Variants in ARHGAP26 observed in about 807,000 individuals in gnomAD.
The protein encoded by ARHGAP26 is rho GTPase-activating protein 26.
ARHGAP26 carries 38 observed loss-of-function variants against 104.8 expected under a neutral mutation model. The observed-to-expected ratio is 0.36, with a 90% confidence interval of 0.28 to 0.48. ARHGAP26 has a LOEUF of 0.48. Among genes scored for constraint, ARHGAP26 ranks in the 20% least tolerant of loss-of-function variants. The pLI is 0.99. For synonymous variants in ARHGAP26, 341 were observed against 340.0 expected, an observed-to-expected ratio of 1.00 and a Z score of -0.03; for missense variants, 704 against 947.9, an observed-to-expected ratio of 0.74 and a Z score of 3.38.
At chr5:143,074,099 AT>A (rs572655393) in intron 17 of ARHGAP26, among the ~76,000 whole-genome samples, 23 of 151,864 alleles carry the variant, frequency 1.5e-4, no homozygotes, top group Non-Finnish European at 2.9e-4. Context: ...GTTTTTGTGG[AT>A]TTTTTTTCAT....
intron 1 of ARHGAP26, among the ~76,000 whole-genome samples, chr5:142,792,688 C>G (rs1338903656): frequency 6.6e-6 from 1 of 152,234 alleles, no homozygotes; most frequent in Middle Eastern, 3.4e-3. Context: ...GAGAGCACCC[C>G]GGCTGTGCTT....
In ARHGAP26 at chr5:142,875,101, G is replaced by C. The variant is rs1022024368; in HGVS notation, c.251-9G>C. 1 of 1,613,836 alleles carries C rather than the reference G, an allele frequency of 6.2e-7. No homozygotes were observed. Among genetic ancestry groups the C allele is most frequent in the Non-Finnish European group, 8.5e-7 (1 of 1,179,800 alleles). On this transcript the variant is annotated splice_polypyrimidine_tract_variant and intron_variant, in intron 2 of 22. Transcript: ENST00000645722. ...TCCTTCCACCTCATGGCCCCTTTCT[G>C]TTTTCCAGCAAGATCTTTGCAGGAG...
Position 143,226,036 on chromosome 5 carries a change from G to A in ARHGAP26, c.*3590G>A, listed in dbSNP as rs532107628. 3.3e-5 allele frequency: 7 copies of A among 213,288 alleles called. No homozygotes were observed. The highest frequency in any genetic ancestry group is 1.4e-4 in the African/African-American group (6 of 44,318). 13.2% of individuals were successfully genotyped at this position (213,288 alleles called of 1,614,324 possible). A position where few individuals can be genotyped will look rare whatever the true frequency, so the allele number is the denominator to read the frequency against. On this transcript the variant is annotated 3_prime_UTR_variant, in exon 23 of 23. Coordinates refer to ENST00000645722, the MANE Select transcript of ARHGAP26 (RefSeq NM_001135608.3). ...GGAGAATGAATTGGTTATCAGAGTG[G>A]AAGACCATGGCCCAGGATCCCTGAG...
At chr5:142,817,890 G>A (rs1373023629) in intron 1 of ARHGAP26, among the ~76,000 whole-genome samples, 3 of 152,300 alleles carry the variant, frequency 2.0e-5, no homozygotes, top group East Asian at 1.9e-4. Context: ...TCTACTTGGA[G>A]TTTGGGGAAT....
chr5:143,093,317 G>T (rs994850548), intron 17 of ARHGAP26, among the ~76,000 whole-genome samples: 3 of 152,128 alleles, frequency 2.0e-5, no homozygotes, highest in African/African-American at 7.2e-5. Context: ...AAAGATTTTT[G>T]ATAGGAAGGC....
chr5:142,984,928 A>G (rs1774448213), intron 11 of ARHGAP26, among the ~76,000 whole-genome samples: 1 of 152,110 alleles, frequency 6.6e-6, no homozygotes, highest in Non-Finnish European at 1.5e-5. Context: ...TTATTAAAAA[A>G]AAAAGCGGTC....
At chr5:143,098,886 T>C (rs1229082057) in intron 17 of ARHGAP26, among the ~76,000 whole-genome samples, 2 of 152,224 alleles carry the variant, frequency 1.3e-5, no homozygotes, top group Admixed American at 6.5e-5. Flanking sequence ...TAAAAATATT[T>C]TTTAAACATG....
intron 14 of ARHGAP26, 61 bp downstream of exon 14, chr5:143,041,951 C>A: frequency 6.9e-7 from 1 of 1,446,386 alleles, no homozygotes; most frequent in Non-Finnish European, 9.5e-7. Flanking sequence ...TCTGAAAAGT[C>A]ACCAGGTCTG....
intron 1 of ARHGAP26, among the ~76,000 whole-genome samples, chr5:142,814,149 A>G (rs544275788): frequency 3.4e-4 from 52 of 152,382 alleles, no homozygotes; most frequent in Middle Eastern, 3.4e-3. Context: ...GAGTTGAGAA[A>G]GAGGAGTAGG....
At chr5:143,059,520 C>T (rs1001599165) in intron 17 of ARHGAP26, among the ~76,000 whole-genome samples, 2 of 152,214 alleles carry the variant, frequency 1.3e-5, no homozygotes, top group Non-Finnish European at 2.9e-5. Context: ...ACTTGTTCAT[C>T]TCCTGGTTGG....
At chr5:142,853,732 T>A (rs193021227) in intron 1 of ARHGAP26, among the ~76,000 whole-genome samples, 25 of 152,318 alleles carry the variant, frequency 1.6e-4, no homozygotes, top group Non-Finnish European at 3.1e-4. Context: ...TAGCCTTGAC[T>A]CCACGTTCTC....
chr5:143,218,574 T>C (rs1810692113), intron 22 of ARHGAP26, among the ~76,000 whole-genome samples: 1 of 152,128 alleles, frequency 6.6e-6, no homozygotes, highest in Non-Finnish European at 1.5e-5. Context: ...AAGACATGAG[T>C]TGTGTACACA....
chr5:142,902,660 C>T (rs1036082618), intron 7 of ARHGAP26, among the ~76,000 whole-genome samples: 1 of 152,204 alleles, frequency 6.6e-6, no homozygotes, highest in Non-Finnish European at 1.5e-5. Context: ...TTCTTATTTT[C>T]TTTGTCTCTA....
chr5:143,054,636 G>A (rs1489175361), intron 15 of ARHGAP26, 110 bp downstream of exon 15: 1 of 716,040 alleles, frequency 1.4e-6, no homozygotes, highest in Non-Finnish European at 2.3e-6. Flanking sequence ...TGTTTGAGAT[G>A]TGGAAACAGC....
chr5:142,786,873 C>T (rs573126401), intron 1 of ARHGAP26, among the ~76,000 whole-genome samples: 43 of 152,134 alleles, frequency 2.8e-4, no homozygotes, highest in Middle Eastern at 3.4e-3. Flanking sequence ...TCTTGAACTC[C>T]TGACCTCGTG....
chr5:142,884,056 C>T (rs1757365655), intron 4 of ARHGAP26, among the ~76,000 whole-genome samples: 2 of 152,194 alleles, frequency 1.3e-5, no homozygotes, highest in African/African-American at 4.8e-5. Flanking sequence ...AAAAACATCC[C>T]TATGGGTTCA....
chr5:142,892,790 C>T (rs1758844785), intron 5 of ARHGAP26, among the ~76,000 whole-genome samples: 1 of 152,022 alleles, frequency 6.6e-6, no homozygotes, highest in South Asian at 2.1e-4. Context: ...GGGTATCAGT[C>T]ACCTCGAACA....
At chr5:143,032,926 A>G (rs1380915235) in intron 12 of ARHGAP26, among the ~76,000 whole-genome samples, 3 of 152,210 alleles carry the variant, frequency 2.0e-5, no homozygotes, top group Non-Finnish European at 4.4e-5. Flanking sequence ...CACTAGTTCC[A>G]GTTTAGAGGT....
chr5:143,142,138 T>TC (rs1172038906), intron 19 of ARHGAP26, among the ~76,000 whole-genome samples: 1 of 141,118 alleles, frequency 7.1e-6, no homozygotes, highest in African/African-American at 2.8e-5. Context: ...TTTTCACTTT[T>TC]TTTTTTTTTT....
Sources: allele counts gnomAD v4.1 joint callset (sites outside exome capture counted in the v4.1 genomes callset), GRCh38; gene constraint gnomAD v4.1.1; transcripts MANE v1.5; gene names NCBI Gene and HGNC (gene_info 2026-07-23, HGNC 2026-07-21).